The following MCF2L2 variants were observed in gnomAD, a reference collection of about 807,000 sequenced individuals.
MCF2L2 encodes MCF.2 cell line derived transforming sequence-like 2.
MCF2L2 carries 102 observed loss-of-function variants against 150.2 expected under a neutral mutation model. The observed-to-expected ratio is 0.68, with a 90% CI of 0.58 to 0.80. The LOEUF (loss-of-function observed/expected upper bound fraction) is 0.80. MCF2L2 is among the 30% of genes least tolerant of loss of function. MCF2L2 has a pLI of 0.00. For missense variants in MCF2L2, 1,256 were observed against 1,372.8 expected (o/e 0.91, Z 1.34); for synonymous variants, 465 against 491.3 (o/e 0.95, Z 0.71).
At chr3:183,391,791 T>C (rs1218131185) in intron 1 of MCF2L2, among the ~76,000 whole-genome samples, 4 of 152,188 alleles carry the variant, frequency 2.6e-5, no homozygotes, top group Admixed American at 1.3e-4. Flanking sequence ...AGTTATGTAA[T>C]TAAAGAGTTT....
chr3:183,311,176 C>T, intron 8 of MCF2L2, 147 bp from the exon 9 acceptor site: 1 of 597,046 alleles, frequency 1.7e-6, no homozygotes, highest in Non-Finnish European at 3.0e-6. Flanking sequence ...GTCACCTATG[C>T]CTTTCTTCTG....
intron 15 of MCF2L2, among the ~76,000 whole-genome samples, chr3:183,262,323 C>T (rs1195096434): frequency 6.6e-6 from 1 of 151,870 alleles, no homozygotes; most frequent in Non-Finnish European, 1.5e-5. Flanking sequence ...AATATTCAGC[C>T]CCCAGCAGGC....
intron 1 of MCF2L2, among the ~76,000 whole-genome samples, chr3:183,417,550 G>A (rs569037645): frequency 6.6e-6 from 1 of 152,230 alleles, no homozygotes; most frequent in African/African-American, 2.4e-5. Flanking sequence ...TTTCCATATG[G>A]ATTTGAATTA....
chr3:183,197,949 A>G lies in MCF2L2; in HGVS notation c.2885-2694T>C, dbSNP rs1460354519. ...GACAATACCAAGTATTGGTGAGGAC[A>G]TGGCACAAGTGGAACTCTCATACAT... On this transcript the variant is annotated intron_variant, in intron 25 of 29. Transcript: ENST00000328913. This position sits in a 1 kb window ranked among gnomAD's most constrained non-coding sequence, Gnocchi z 4.5. Among the ~76,000 whole-genome samples the G allele has an allele frequency of 1.3e-5, 2 of 152,238 alleles. No homozygotes were observed. Among genetic ancestry groups the G allele is most frequent in the Non-Finnish European group, 2.9e-5 (2 of 68,036 alleles).
At chr3:183,400,530 A>T (rs552763913) in intron 1 of MCF2L2, 21 of 455,032 alleles carry the variant, frequency 4.6e-5, no homozygotes, top group African/African-American at 4.2e-4. Flanking sequence ...CTCGCTCTCC[A>T]TTTCTCTCTA....
intron 18 of MCF2L2, 40 bp from the exon 19 acceptor site, chr3:183,224,230 T>C (rs778126105): frequency 1.5e-6 from 2 of 1,321,838 alleles, no homozygotes; most frequent in South Asian, 2.4e-5. Context: ...TCAGGCAGCA[T>C]TTTTCAGTAA....
Position 183,270,916 on chromosome 3 carries a change from G to T in MCF2L2, c.1862+5956C>A. 6.3e-7 allele frequency: 1 copy of T among 1,582,354 alleles called. No homozygotes were observed. The highest frequency in any genetic ancestry group is 8.6e-7 in the Non-Finnish European group (1 of 1,167,772). On this transcript the variant is annotated intron_variant, in intron 15 of 29. Transcript: ENST00000328913. This position sits in a 1 kb window ranked among gnomAD's most constrained non-coding sequence, Gnocchi z 4.5. ...ATTAGCTATGTGGACACATACCCTTGTAGGGCTGCGTTTATCTAATAGTAC... is the reference window on the plus strand; with the variant it reads ...ATTAGCTATGTGGACACATACCCTTTTAGGGCTGCGTTTATCTAATAGTAC...
In MCF2L2 at chr3:183,318,245, T is replaced by G. The variant is rs775304142; in HGVS notation, c.604-28A>C. On this transcript the variant is annotated intron_variant, in intron 6 of 29. Transcript: ENST00000328913. ...GGAAGGTCAGACAATTGTAACAATA[T>G]GGAGAGATTAACATTCACCAACATG... 8 of 1,613,462 alleles carry G rather than the reference T, an allele frequency of 5.0e-6. No homozygotes were observed. The African/African-American group carries it at 9.3e-5, about 19-fold the overall frequency.
intron 10 of MCF2L2, among the ~76,000 whole-genome samples, chr3:183,300,499 T>C (rs73066034): frequency 0.076 from 11,612 of 152,176 alleles, 1,118 homozygotes; most frequent in African/African-American, 0.22. Context: ...AATTCAGATA[T>C]CAACTAAATT....
chr3:183,268,940 C>G (rs148601906), intron 15 of MCF2L2, among the ~76,000 whole-genome samples: 1 of 151,944 alleles, frequency 6.6e-6, no homozygotes, highest in Non-Finnish European at 1.5e-5. Flanking sequence ...ATCTGGGGCT[C>G]ACAAAGTAAT....
chr3:183,293,709 G>A (rs1367641024), intron 13 of MCF2L2, among the ~76,000 whole-genome samples: 1 of 152,104 alleles, frequency 6.6e-6, no homozygotes, highest in African/African-American at 2.4e-5. Context: ...ACATTGTAGT[G>A]GAGGTCCCAG....
chr3:183,423,437 T>C (rs1399895264), intron 1 of MCF2L2, among the ~76,000 whole-genome samples: 1 of 152,142 alleles, frequency 6.6e-6, no homozygotes, highest in Admixed American at 6.5e-5. Context: ...AAGGAATGTT[T>C]CAAAGGATAT....
intron 1 of MCF2L2, among the ~76,000 whole-genome samples, chr3:183,416,101 CTTAA>C (rs1388968654): frequency 2.6e-5 from 4 of 152,118 alleles, no homozygotes; most frequent in Non-Finnish European, 4.4e-5. Context: ...TTTATACTAA[CTTAA>C]TTAAACTTGA....
At chr3:183,304,970 A>C (rs1444367585) in intron 10 of MCF2L2, among the ~76,000 whole-genome samples, 1 of 152,206 alleles carries the variant, frequency 6.6e-6, no homozygotes. Flanking sequence ...TACCTCTGTA[A>C]TGTTAATAAC....
At chr3:183,215,943 T>C in intron 22 of MCF2L2, 26 bp downstream of exon 22, 4 of 1,604,960 alleles carry the variant, frequency 2.5e-6, no homozygotes, top group East Asian at 2.3e-5. Flanking sequence ...TTGTGTGAGA[T>C]GCTCTAACAC....
chr3:183,295,536 C>T (rs959537933), intron 12 of MCF2L2, 59 bp from the exon 13 acceptor site: 62 of 1,530,384 alleles, frequency 4.1e-5, no homozygotes, highest in African/African-American at 1.9e-4. Flanking sequence ...CCTGAGGACA[C>T]GAAGCATTCC....
chr3:183,184,920 T>C (rs545358201), intron 27 of MCF2L2, among the ~76,000 whole-genome samples: 61 of 141,254 alleles, frequency 4.3e-4, no homozygotes, highest in South Asian at 3.9e-3. Flanking sequence ...TTTTTTTCTT[T>C]TTCTTTTTTT....
intron 3 of MCF2L2, among the ~76,000 whole-genome samples, chr3:183,351,224 A>G (rs1360229149): frequency 1.1e-5 from 1 of 88,014 alleles, no homozygotes; most frequent in Middle Eastern, 5.2e-3. Context: ...ATATATATAT[A>G]TATATATATA....
intron 25 of MCF2L2, among the ~76,000 whole-genome samples, chr3:183,204,606 C>A (rs1385260389): frequency 6.6e-6 from 1 of 152,060 alleles, no homozygotes; most frequent in African/African-American, 2.4e-5. Flanking sequence ...TTGGAAGTTC[C>A]TCAGAAAGTT....
Sources: gnomAD v4.1 joint callset for allele counts (sites outside exome capture counted in the v4.1 genomes callset) on GRCh38, gnomAD v4.1.1 for gene constraint, Gnocchi (gnomAD v3.1) non-coding constraint, MANE v1.5 for transcripts, NCBI Gene and HGNC (gene_info 2026-07-23, HGNC 2026-07-21) for gene names.